Variants in LRRC37A2 observed in about 807,000 individuals in gnomAD.
The protein encoded by LRRC37A2 is leucine rich repeat containing 37 member A2.
LRRC37A2 carries 9 observed loss-of-function variants against 68.8 expected under a neutral mutation model. That is an observed-to-expected ratio of 0.13 (90% confidence interval 0.08 to 0.23). The LOEUF (loss-of-function observed/expected upper bound fraction) is 0.23. Among genes scored for constraint, LRRC37A2 ranks in the 10% least tolerant of loss-of-function variants. The pLI, the probability that LRRC37A2 is intolerant of heterozygous loss-of-function variation, is 1.00. For missense variants in LRRC37A2, 168 were observed against 950.4 expected (o/e 0.18, Z 10.82); for synonymous variants, 63 against 367.6 (o/e 0.17, Z 9.48).
chr17:46,781,287 A>G, the LRRC37A2 span, among the ~76,000 whole-genome samples: 1 of 152,042 alleles, frequency 6.6e-6, no homozygotes, highest in Non-Finnish European at 1.5e-5. Context: ...TACAACGTAG[A>G]GGAAACTTGA....
At chr17:46,887,927 A>G in the LRRC37A2 span, among the ~76,000 whole-genome samples, 1 of 152,162 alleles carries the variant, frequency 6.6e-6, no homozygotes, top group African/African-American at 2.4e-5. Flanking sequence ...TAAACAAGTC[A>G]TCACTATTCA....
the LRRC37A2 span, among the ~76,000 whole-genome samples, chr17:46,912,849 T>C: frequency 4.6e-4 from 70 of 152,316 alleles, no homozygotes; most frequent in African/African-American, 1.6e-3. Context: ...CGGCCCTCTT[T>C]GGGTCACAAA....
At chr17:46,765,521 G>A in the LRRC37A2 span, among the ~76,000 whole-genome samples, 16 of 152,366 alleles carry the variant, frequency 1.1e-4, no homozygotes, top group East Asian at 2.7e-3. Context: ...TGGAGGGCCC[G>A]GGGCCTGCTC....
the LRRC37A2 span, among the ~76,000 whole-genome samples, chr17:46,991,866 A>C: frequency 2.4e-3 from 373 of 152,328 alleles, no homozygotes; most frequent in African/African-American, 8.3e-3. Flanking sequence ...TTTTTGCCAT[A>C]ATGGCAGAAT....
At chr17:46,744,128 G>A in the LRRC37A2 span, among the ~76,000 whole-genome samples, 1 of 152,248 alleles carries the variant, frequency 6.6e-6, no homozygotes. Flanking sequence ...TTGTATTTGC[G>A]AGTGTGTTAC....
chr17:46,496,958 G>A, the LRRC37A2 span, among the ~76,000 whole-genome samples: 53 of 143,796 alleles, frequency 3.7e-4, 2 homozygotes, highest in African/African-American at 1.3e-3. Context: ...TAAAATTAGT[G>A]TTTTATATTA....
chr17:46,733,339 C>T, the LRRC37A2 span, among the ~76,000 whole-genome samples: 1 of 152,070 alleles, frequency 6.6e-6, no homozygotes, highest in East Asian at 1.9e-4. Context: ...TAGATCTCTT[C>T]TGCCACCTTC....
At chr17:46,851,775 T>G in the LRRC37A2 span, 2 of 890,818 alleles carry the variant, frequency 2.2e-6, no homozygotes, top group Non-Finnish European at 1.5e-6. This position sits in a 1 kb window ranked among gnomAD's most constrained non-coding sequence, Gnocchi z 4.3. Context: ...CCTCCTGCGC[T>G]ACAGCTGGGC....
the LRRC37A2 span, among the ~76,000 whole-genome samples, chr17:46,797,013 G>A: frequency 2.6e-5 from 4 of 152,266 alleles, no homozygotes; most frequent in East Asian, 7.7e-4. Context: ...CCAAATGGGG[G>A]AAAATGGGAA....
At chr17:46,721,421 T>C in the LRRC37A2 span, among the ~76,000 whole-genome samples, 1 of 152,198 alleles carries the variant, frequency 6.6e-6, no homozygotes, top group Non-Finnish European at 1.5e-5. Flanking sequence ...TGTTTTTTCT[T>C]TAGCCTTCTC....
chr17:46,965,827 CAT>C, the LRRC37A2 span, among the ~76,000 whole-genome samples: 1 of 150,066 alleles, frequency 6.7e-6, no homozygotes, highest in Non-Finnish European at 1.5e-5. Flanking sequence ...GGCGGGGTCT[CAT>C]TATGTTGCCC....
chr17:46,877,295 C>T, the LRRC37A2 span, among the ~76,000 whole-genome samples: 1 of 152,358 alleles, frequency 6.6e-6, no homozygotes, highest in East Asian at 1.9e-4. Context: ...GTGGTAGAAG[C>T]CATCCGTTCA....
the LRRC37A2 span, among the ~76,000 whole-genome samples, chr17:46,944,851 C>T: frequency 5.9e-5 from 9 of 152,128 alleles, no homozygotes; most frequent in South Asian, 8.3e-4. Flanking sequence ...CCACCCACCT[C>T]GGCCTCCCAA....
At chr17:46,949,892 C>G in the LRRC37A2 span, among the ~76,000 whole-genome samples, 1 of 152,180 alleles carries the variant, frequency 6.6e-6, no homozygotes, top group African/African-American at 2.4e-5. Flanking sequence ...AGAAAGGCTG[C>G]AGAGGTAAGT....
At chr17:46,470,227 C>T in the LRRC37A2 span, among the ~76,000 whole-genome samples, 1 of 34,982 alleles carries the variant, frequency 2.9e-5, no homozygotes, top group Non-Finnish European at 6.7e-5. Flanking sequence ...GGTACAGCTT[C>T]TCATACCCAA....
At chr17:46,861,776 C>A in the LRRC37A2 span, among the ~76,000 whole-genome samples, 1 of 152,222 alleles carries the variant, frequency 6.6e-6, no homozygotes, top group Non-Finnish European at 1.5e-5. Flanking sequence ...TTCCAAGAGG[C>A]TGGTTTTAGG....
the LRRC37A2 span, chr17:46,929,720 A>G: frequency 2.0e-5 from 13 of 660,174 alleles, no homozygotes; most frequent in Middle Eastern, 1.2e-3. Context: ...GGTGGACAGA[A>G]AAACCCTATG....
chr17:46,983,289 C>CT, the LRRC37A2 span, among the ~76,000 whole-genome samples: 1,763 of 76,812 alleles, frequency 0.023, 40 homozygotes, highest in Middle Eastern at 0.059. Context: ...GCCCTTTCTT[C>CT]TTTTTTTTTT....
the LRRC37A2 span, among the ~76,000 whole-genome samples, chr17:46,979,671 A>G: frequency 6.6e-6 from 1 of 152,024 alleles, no homozygotes; most frequent in Non-Finnish European, 1.5e-5. Context: ...GTCCTGCCTC[A>G]CAGCTTTCCC....
Sources: gnomAD v4.1 joint callset for allele counts (sites outside exome capture counted in the v4.1 genomes callset) on GRCh38, gnomAD v4.1.1 for gene constraint, Gnocchi (gnomAD v3.1) non-coding constraint, MANE v1.5 for transcripts, NCBI Gene and HGNC (gene_info 2026-07-23, HGNC 2026-07-21) for gene names.